Variants in HMGCLL1 observed in about 807,000 individuals in gnomAD.
HMGCLL1 encodes 3-hydroxymethyl-3-methylglutaryl-CoA lyase, cytoplasmic.
In HMGCLL1, 36 loss-of-function variants were observed where a neutral mutation model predicts 39.1. That is an observed-to-expected ratio of 0.92 (90% CI 0.71 to 1.22). The LOEUF (loss-of-function observed/expected upper bound fraction) is 1.22, where lower values mean the gene tolerates loss of function less well. Ranked by LOEUF, HMGCLL1 falls within the 50% of genes most tolerant of loss-of-function variation. The probability of loss-of-function intolerance (pLI) is 0.00; values close to 1 mark genes in which losing one functional copy is unlikely to be tolerated. For missense variants in HMGCLL1, 451 were observed against 416.5 expected, an observed-to-expected ratio of 1.08 and a Z score of -0.72; for synonymous variants, 149 against 144.0, an observed-to-expected ratio of 1.03 and a Z score of -0.25.
intron 7 of HMGCLL1, among the ~76,000 whole-genome samples, chr6:55,491,416 C>A (rs551944926): frequency 5.9e-5 from 9 of 152,018 alleles, no homozygotes; most frequent in Non-Finnish European, 1.0e-4. Context: ...TTTGGTCTTT[C>A]TAAAAGAGAA....
At chr6:55,549,255 TCTC>T (rs1237925067) in intron 1 of HMGCLL1, among the ~76,000 whole-genome samples, 2 of 151,742 alleles carry the variant, frequency 1.3e-5, no homozygotes, top group Non-Finnish European at 2.9e-5. Flanking sequence ...GAAAATTTCT[TCTC>T]CTTAGTGTCT....
intron 1 of HMGCLL1, among the ~76,000 whole-genome samples, chr6:55,543,660 C>G (rs533099248): frequency 4.6e-4 from 68 of 147,006 alleles, no homozygotes; most frequent in Non-Finnish European, 9.2e-4. Flanking sequence ...TTGAGACCAG[C>G]CAGGGCAACA....
At chr6:55,639,684 T>C in the HMGCLL1 span, among the ~76,000 whole-genome samples, 3 of 152,106 alleles carry the variant, frequency 2.0e-5, no homozygotes, top group African/African-American at 7.2e-5. Flanking sequence ...ACATAAATGT[T>C]CTCTACTCTC....
At chr6:55,575,293 A>G (rs58542630) in intron 1 of HMGCLL1, among the ~76,000 whole-genome samples, 142 of 152,198 alleles carry the variant, frequency 9.3e-4, no homozygotes, top group African/African-American at 2.3e-3. Context: ...ACATAATTTA[A>G]TTAGTGGACC....
At chr6:55,641,872 T>A in the HMGCLL1 span, among the ~76,000 whole-genome samples, 3 of 122,940 alleles carry the variant, frequency 2.4e-5, no homozygotes, top group African/African-American at 8.7e-5. Flanking sequence ...TTTAATTTTT[T>A]TTTATTTTTA....
At chr6:55,451,591 T>C (rs1436231061) in intron 7 of HMGCLL1, among the ~76,000 whole-genome samples, 3 of 148,792 alleles carry the variant, frequency 2.0e-5, no homozygotes, top group Non-Finnish European at 1.5e-5. Flanking sequence ...ACAAAAAAAG[T>C]CACTTAGGTG....
rs1016351392 is a variant in HMGCLL1, at chr6:55,498,186, G to A, written c.606+1050C>T. The stretch of plus-strand genomic sequence containing the variant: ...GAAAGCAAGTCTGCTGGTAAGCAAA[G>A]GTGGATCCAGGTTTTGTGGGGCCAG... On this transcript the variant is annotated intron_variant, in intron 6 of 8. Coordinates refer to ENST00000274901, the MANE Select transcript of HMGCLL1 (RefSeq NM_001042406.2). Among the ~76,000 whole-genome samples, 5 of 152,088 alleles carry A rather than the reference G, an allele frequency of 3.3e-5. No homozygotes were observed. In the East Asian group the frequency reaches 5.8e-4, roughly 18 times the overall value.
intron 7 of HMGCLL1, among the ~76,000 whole-genome samples, chr6:55,445,969 A>C (rs1032618262): frequency 6.6e-6 from 1 of 152,056 alleles, no homozygotes; most frequent in African/African-American, 2.4e-5. Flanking sequence ...GGACACTCTT[A>C]CTAAAGGTGT....
At chr6:55,484,338 G>T (rs4334972) in intron 7 of HMGCLL1, among the ~76,000 whole-genome samples, 1 of 151,016 alleles carries the variant, frequency 6.6e-6, no homozygotes, top group Non-Finnish European at 1.5e-5. Flanking sequence ...AAACTACTCT[G>T]CTCTGATCTC....
chr6:55,634,046 T>C, the HMGCLL1 span, among the ~76,000 whole-genome samples: 1 of 152,172 alleles, frequency 6.6e-6, no homozygotes, highest in South Asian at 2.1e-4. Context: ...TAATTTGACA[T>C]CACTTTTTTT....
the HMGCLL1 span, among the ~76,000 whole-genome samples, chr6:55,606,348 T>C: frequency 6.6e-6 from 1 of 152,094 alleles, no homozygotes; most frequent in African/African-American, 2.4e-5. Flanking sequence ...ATAAGAAATA[T>C]ATTTATATTT....
chr6:55,506,841 GAA>G (rs56735794), intron 5 of HMGCLL1, among the ~76,000 whole-genome samples: 101,982 of 150,532 alleles, frequency 0.68, 34,439 homozygotes, highest in Non-Finnish European at 0.7. Flanking sequence ...AACTTAAAAA[GAA>G]AAAAAAAATA....
intron 7 of HMGCLL1, among the ~76,000 whole-genome samples, chr6:55,492,477 G>A (rs1480230477): frequency 2.6e-5 from 4 of 152,150 alleles, no homozygotes; most frequent in African/African-American, 9.7e-5. Flanking sequence ...ACCACATGTG[G>A]CTGTTTTTCA....
the HMGCLL1 span, among the ~76,000 whole-genome samples, chr6:55,673,478 A>C: frequency 6.6e-6 from 1 of 152,110 alleles, no homozygotes; most frequent in East Asian, 1.9e-4. Flanking sequence ...ACATAAAATA[A>C]AATGTAAAAA....
At chr6:55,605,595 C>G in the HMGCLL1 span, among the ~76,000 whole-genome samples, 1 of 152,006 alleles carries the variant, frequency 6.6e-6, no homozygotes, top group African/African-American at 2.4e-5. Context: ...TAGGATTATA[C>G]TTCTTATCCT....
At chr6:55,561,396 T>A (rs374037379) in intron 1 of HMGCLL1, among the ~76,000 whole-genome samples, 6 of 152,228 alleles carry the variant, frequency 3.9e-5, no homozygotes, top group African/African-American at 1.4e-4. Context: ...GCTATATAGA[T>A]CATAAGGCCC....
At chr6:55,580,282 C>CA (rs1249144210), upstream of HMGCLL1, among the ~76,000 whole-genome samples, 2 of 150,680 alleles carry the variant, frequency 1.3e-5, no homozygotes. Context: ...AGGAAAAAGA[C>CA]AAAGAGTGGA....
intron 5 of HMGCLL1, among the ~76,000 whole-genome samples, chr6:55,500,202 C>G (rs12208624): frequency 6.6e-6 from 1 of 151,750 alleles, no homozygotes; most frequent in Admixed American, 6.6e-5. Context: ...GAAAGCAAAG[C>G]CTTTGAACGC....
chr6:55,590,496 G>A, the HMGCLL1 span, among the ~76,000 whole-genome samples: 5 of 152,060 alleles, frequency 3.3e-5, no homozygotes, highest in Non-Finnish European at 7.4e-5. Flanking sequence ...CATGGGCAAG[G>A]TCTTCATGTC....
Sources: gnomAD v4.1 joint callset for allele counts (sites outside exome capture counted in the v4.1 genomes callset) on GRCh38, gnomAD v4.1.1 for gene constraint, MANE v1.5 for transcripts, NCBI Gene and HGNC (gene_info 2026-07-23, HGNC 2026-07-21) for gene names.